Variants in DLG2 observed in about 807,000 individuals in gnomAD.
DLG2 encodes the protein discs large MAGUK scaffold protein 2, also known as disks large homolog 2.
Under a neutral mutation model 132.5 loss-of-function variants are expected in DLG2, and 45 were observed. That is an observed-to-expected ratio of 0.34 (90% CI 0.27 to 0.44). DLG2 has a LOEUF of 0.44. Among genes scored for constraint, DLG2 ranks in the 20% least tolerant of loss-of-function variants. The pLI is 1.00. For synonymous variants in DLG2, 424 were observed against 419.6 expected (o/e 1.01, Z -0.13); for missense variants, 1,045 against 1,196.9 (o/e 0.87, Z 1.87).
intron 3 of DLG2, among the ~76,000 whole-genome samples, chr11:85,506,214 C>G (rs780669595): frequency 1.3e-5 from 2 of 152,084 alleles, no homozygotes; most frequent in Non-Finnish European, 2.9e-5. Flanking sequence ...TCTCTGTCTC[C>G]TTCAGTTCTG....
At chr11:84,740,557 G>T (rs1379538286) in intron 6 of DLG2, among the ~76,000 whole-genome samples, 1 of 152,024 alleles carries the variant, frequency 6.6e-6, no homozygotes, top group Non-Finnish European at 1.5e-5. Context: ...GCCGCCTCTG[G>T]AGTGCATCCT....
chr11:84,234,684 G>T (rs932254063), intron 8 of DLG2, among the ~76,000 whole-genome samples: 2 of 152,088 alleles, frequency 1.3e-5, no homozygotes, highest in Admixed American at 6.5e-5. Flanking sequence ...TCCTCCTCCC[G>T]TTGGAATTCA....
intron 3 of DLG2, among the ~76,000 whole-genome samples, chr11:85,528,829 G>A (rs1486173240): frequency 6.6e-5 from 10 of 152,128 alleles, no homozygotes; most frequent in South Asian, 2.1e-4. Context: ...GCAGAAAGAC[G>A]CACAAATATT....
At chr11:83,651,757 G>A (rs1472873902) in intron 18 of DLG2, 1 of 457,896 alleles carries the variant, frequency 2.2e-6, no homozygotes, top group African/African-American at 2.0e-5. Flanking sequence ...TCTAAGTAAA[G>A]AGCATCTAAT....
At chr11:84,246,493 A>C (rs999986174) in intron 8 of DLG2, among the ~76,000 whole-genome samples, 2 of 152,222 alleles carry the variant, frequency 1.3e-5, no homozygotes, top group African/African-American at 4.8e-5. Flanking sequence ...GAAATGCTTA[A>C]GAGAAGCCCT....
At chr11:83,904,303 T>A (rs1037305530) in intron 15 of DLG2, among the ~76,000 whole-genome samples, 2 of 152,210 alleles carry the variant, frequency 1.3e-5, no homozygotes, top group African/African-American at 4.8e-5. Context: ...AGACCATGAT[T>A]GATATGCAAA....
chr11:85,265,187 C>T (rs2077143793), intron 4 of DLG2, among the ~76,000 whole-genome samples: 1 of 152,142 alleles, frequency 6.6e-6, no homozygotes, highest in Non-Finnish European at 1.5e-5. Context: ...TATATTATGA[C>T]ATCATATTGT....
intron 3 of DLG2, among the ~76,000 whole-genome samples, chr11:85,369,910 A>G (rs376092647): frequency 3.9e-5 from 6 of 152,244 alleles, no homozygotes; most frequent in African/African-American, 1.4e-4. Flanking sequence ...GGTACCTTTC[A>G]GGTCACATGA....
intron 19 of DLG2, among the ~76,000 whole-genome samples, chr11:83,617,742 T>C (rs768459711): frequency 2.6e-5 from 4 of 152,208 alleles, no homozygotes; most frequent in Non-Finnish European, 4.4e-5. Context: ...GCTGGCTCCC[T>C]GGCTCACACC....
intron 5 of DLG2, among the ~76,000 whole-genome samples, chr11:85,143,198 A>C (rs1488230034): frequency 6.6e-6 from 1 of 151,662 alleles, no homozygotes; most frequent in Non-Finnish European, 1.5e-5. Flanking sequence ...CTGTGATGGG[A>C]GACTTAATTA....
chr11:83,652,976 C>T (rs1477819638), intron 18 of DLG2, among the ~76,000 whole-genome samples: 1 of 152,188 alleles, frequency 6.6e-6, no homozygotes, highest in Non-Finnish European at 1.5e-5. Flanking sequence ...TTCCACTGTA[C>T]ATATGTGAAA....
intron 19 of DLG2, among the ~76,000 whole-genome samples, chr11:83,628,235 A>G (rs966194147): frequency 6.6e-6 from 1 of 152,154 alleles, no homozygotes; most frequent in Non-Finnish European, 1.5e-5. Flanking sequence ...CCCATTTGTC[A>G]ATTGTGGCTT....
intron 8 of DLG2, among the ~76,000 whole-genome samples, chr11:84,202,389 T>C (rs1041461679): frequency 6.6e-6 from 1 of 152,154 alleles, no homozygotes; most frequent in Non-Finnish European, 1.5e-5. Context: ...ATTTAATACA[T>C]GGTTCTGGGA....
At chr11:84,939,395 T>C (rs1037811852) in intron 6 of DLG2, among the ~76,000 whole-genome samples, 1 of 151,972 alleles carries the variant, frequency 6.6e-6, no homozygotes, top group African/African-American at 2.4e-5. Context: ...CAATTCTTTG[T>C]GTTATAAACA....
intron 11 of DLG2, among the ~76,000 whole-genome samples, chr11:84,010,586 G>C (rs1211222858): frequency 6.6e-6 from 1 of 152,016 alleles, no homozygotes; most frequent in Non-Finnish European, 1.5e-5. Flanking sequence ...ACAAGCATGA[G>C]CTACTGAGTC....
chr11:84,625,913 T>TA (rs2099621735), intron 6 of DLG2, among the ~76,000 whole-genome samples: 1 of 152,250 alleles, frequency 6.6e-6, no homozygotes. Context: ...TCTTAAATTT[T>TA]AAATGTGAAA....
intron 6 of DLG2, among the ~76,000 whole-genome samples, chr11:84,962,203 T>C (rs1264249840): frequency 6.6e-6 from 1 of 152,220 alleles, no homozygotes; most frequent in Non-Finnish European, 1.5e-5. Flanking sequence ...CTTGATCTCA[T>C]AGAAAAGAAA....
rs2154521763 is a variant in DLG2 at position 84,538,957 on chromosome 11, C to T, written c.358-4226G>A. On this transcript the variant is annotated intron_variant, in intron 6 of 27. Coordinates refer to ENST00000376104, the MANE Select transcript of DLG2 (RefSeq NM_001142699.3). ...ACCCTGATATGATATAGCAGAATTTCTCTGCTTGTATTCAAATCTTTATTT... is the reference window on the plus strand; with the variant it reads ...ACCCTGATATGATATAGCAGAATTTTTCTGCTTGTATTCAAATCTTTATTT... 2.0e-5 allele frequency among the ~76,000 whole-genome samples: 3 copies of T among 152,234 alleles called. 1 individual carries two copies. The highest frequency in any genetic ancestry group is 6.8e-3 in the Middle Eastern group (2 of 294).
chr11:84,905,449 A>T (rs929506228), intron 6 of DLG2, among the ~76,000 whole-genome samples: 1 of 152,198 alleles, frequency 6.6e-6, no homozygotes, highest in Non-Finnish European at 1.5e-5. Flanking sequence ...TTAATTTGGA[A>T]TTCAAAAAGA....
Sources: gnomAD v4.1 joint callset for allele counts (sites outside exome capture counted in the v4.1 genomes callset) on GRCh38, gnomAD v4.1.1 for gene constraint, MANE v1.5 for transcripts, NCBI Gene and HGNC (gene_info 2026-07-23, HGNC 2026-07-21) for gene names.